Variants in PRKCA observed in about 807,000 individuals in gnomAD.
PRKCA encodes protein kinase C alpha.
PRKCA carries 27 observed loss-of-function variants against 87.0 expected under a neutral mutation model. That is an observed-to-expected ratio of 0.31 (90% CI 0.23 to 0.43). PRKCA has a LOEUF of 0.43. Ranked by LOEUF, PRKCA falls within the 20% of genes least tolerant of loss-of-function variation. The pLI is 1.00. For synonymous variants in PRKCA, 329 were observed against 311.1 expected, an observed-to-expected ratio of 1.06 and a Z score of -0.61; for missense variants, 518 against 852.3, an observed-to-expected ratio of 0.61 and a Z score of 4.88.
At chr17:66,451,621 C>T (rs939931265) in intron 2 of PRKCA, among the ~76,000 whole-genome samples, 2 of 152,060 alleles carry the variant, frequency 1.3e-5, no homozygotes, top group Admixed American at 1.3e-4. Flanking sequence ...GTACTTTGAT[C>T]ATATTTGTAT....
chr17:66,775,627 T>G, intron 14 of PRKCA: 1 of 985,414 alleles, frequency 1.0e-6, no homozygotes, highest in Non-Finnish European at 1.2e-6. Flanking sequence ...GAAGCCTTAG[T>G]CAGAGACAAT....
At chr17:66,342,443 AT>A (rs1907097695) in intron 2 of PRKCA, among the ~76,000 whole-genome samples, 1 of 12,170 alleles carries the variant, frequency 8.2e-5, no homozygotes, top group African/African-American at 7.4e-4. Flanking sequence ...AATAAAATAA[AT>A]AATAATAATA....
intron 14 of PRKCA, among the ~76,000 whole-genome samples, chr17:66,782,072 T>C (rs953001327): frequency 6.6e-6 from 1 of 151,762 alleles, no homozygotes; most frequent in Non-Finnish European, 1.5e-5. Flanking sequence ...CTCTACCATG[T>C]CCAGCTAATT....
intron 2 of PRKCA, among the ~76,000 whole-genome samples, chr17:66,417,721 C>A (rs1912238835): frequency 6.6e-6 from 1 of 152,192 alleles, no homozygotes; most frequent in East Asian, 1.9e-4. Context: ...TGTTTGGCTG[C>A]CTCTCAGGTA....
chr17:66,754,378 C>T (rs1032671028), intron 13 of PRKCA, among the ~76,000 whole-genome samples: 7 of 152,050 alleles, frequency 4.6e-5, no homozygotes, highest in Non-Finnish European at 1.0e-4. Flanking sequence ...GCACCATGTG[C>T]GACAGTAAAG....
intron 2 of PRKCA, among the ~76,000 whole-genome samples, chr17:66,430,895 T>C (rs182577009): frequency 6.6e-6 from 1 of 152,236 alleles, no homozygotes; most frequent in East Asian, 1.9e-4. Context: ...AACCAATCCT[T>C]TACCTTCCAT....
chr17:66,736,598 C>A (rs187675905), intron 10 of PRKCA, among the ~76,000 whole-genome samples: 2 of 152,146 alleles, frequency 1.3e-5, no homozygotes, highest in Non-Finnish European at 2.9e-5. Context: ...CTTTTTAAGA[C>A]CACTGGTTCC....
chr17:66,729,097 T>C (rs938375992), intron 8 of PRKCA, among the ~76,000 whole-genome samples: 1 of 152,184 alleles, frequency 6.6e-6, no homozygotes, highest in African/African-American at 2.4e-5. Context: ...AAATTTGCAC[T>C]TCCTATGTAT....
intron 13 of PRKCA, among the ~76,000 whole-genome samples, chr17:66,756,802 C>G (rs982802008): frequency 1.3e-5 from 2 of 152,094 alleles, no homozygotes; most frequent in Admixed American, 1.3e-4. Context: ...GCTGGGATTA[C>G]AGGCATGAGC....
At chr17:66,303,054 G>T (rs766545948) in intron 1 of PRKCA, 30 bp downstream of exon 1, 52 of 1,583,154 alleles carry the variant, frequency 3.3e-5, no homozygotes, top group Non-Finnish European at 4.4e-5. Flanking sequence ...CTCCTGCCCC[G>T]CTCCTCCCCG....
In PRKCA at chr17:66,719,895, AATT is replaced by A. The variant is rs531057737; in HGVS notation, c.919-12789_919-12787del. Among the ~76,000 whole-genome samples, 28 of 152,376 alleles carry A rather than the reference AATT, an allele frequency of 1.8e-4. No homozygotes were observed. In the South Asian group the frequency reaches 5.0e-3, roughly 27 times the overall value. On this transcript the variant is annotated intron_variant, in intron 8 of 16. Coordinates refer to ENST00000413366, the MANE Select transcript of PRKCA (RefSeq NM_002737.3). ...CAACAAGAGGCAGCCTTGCTGTAGA[AATT>A]ATTTTAAAGCAACATTTCTGCCTCT...
At chr17:66,568,628 TG>T (rs1428593889) in intron 3 of PRKCA, among the ~76,000 whole-genome samples, 2 of 152,120 alleles carry the variant, frequency 1.3e-5, no homozygotes, top group Non-Finnish European at 2.9e-5. Flanking sequence ...ATTTTAAAAA[TG>T]GGGTTTGAGA....
chr17:66,425,880 C>T (rs765656545), intron 2 of PRKCA, among the ~76,000 whole-genome samples: 2 of 152,098 alleles, frequency 1.3e-5, no homozygotes, highest in Admixed American at 6.6e-5. Context: ...GGAAGGAAGC[C>T]GTTGCATGCC....
chr17:66,735,859 T>G (rs969512928), intron 10 of PRKCA, among the ~76,000 whole-genome samples, 197 bp downstream of exon 10: 10 of 151,946 alleles, frequency 6.6e-5, no homozygotes, highest in African/African-American at 1.9e-4. Context: ...TGATGTCCTC[T>G]GCTTGGCATT....
In PRKCA at chr17:66,804,001, C is replaced by G. The variant is rs1335247762; in HGVS notation, c.1983C>G (p.Pro661=). The G allele has an allele frequency of 5.0e-6, 8 of 1,613,698 alleles. No homozygotes were observed. Among genetic ancestry groups the G allele is most frequent in the East Asian group, 2.2e-5 (1 of 44,868 alleles). ...SDFEGFSYVN[P]QFVHPILQSA... ...TTGAAGGGTTCTCGTATGTCAACCC[C>G]CAGTTTGTGCACCCCATCTTACAGA... Residue 661 remains proline, a synonymous_variant, in exon 17 of 17, where the codon CCC becomes CCG. Transcript: ENST00000413366.
chr17:66,327,074 A>G (rs574062501), intron 2 of PRKCA, among the ~76,000 whole-genome samples: 29 of 151,922 alleles, frequency 1.9e-4, no homozygotes, highest in Non-Finnish European at 3.4e-4. Flanking sequence ...GTCTCTTAAT[A>G]ATAATTAAAT....
intron 3 of PRKCA, among the ~76,000 whole-genome samples, chr17:66,515,578 T>G (rs1223775505): frequency 6.6e-6 from 1 of 152,138 alleles, no homozygotes. Context: ...GTCTCACTCC[T>G]TTTGCCCAGG....
At chr17:66,419,999 GTTC>G (rs1438011342) in intron 2 of PRKCA, among the ~76,000 whole-genome samples, 1 of 136,110 alleles carries the variant, frequency 7.3e-6, no homozygotes, top group East Asian at 2.3e-4. Flanking sequence ...TCTGGGTTGT[GTTC>G]TTTTTTTTTT....
rs539501637 is a variant in PRKCA, at chr17:66,417,520, C to T, written c.206-78681C>T. Among the ~76,000 whole-genome samples the T allele has an allele frequency of 2.6e-5, 4 of 152,166 alleles. No homozygotes were observed. In the East Asian group the frequency reaches 5.8e-4, roughly 22 times the overall value. Reference sequence around the variant, plus strand: ...ATTTCTGCTTGTAGAGACTTGCATTCTCTCTCTGGAATTGCTCTAAGCTTA... The same window carrying T: ...ATTTCTGCTTGTAGAGACTTGCATTTTCTCTCTGGAATTGCTCTAAGCTTA... On this transcript the variant is annotated intron_variant, in intron 2 of 16. Coordinates refer to ENST00000413366, the MANE Select transcript of PRKCA (RefSeq NM_002737.3).
Sources: allele counts gnomAD v4.1 joint callset (sites outside exome capture counted in the v4.1 genomes callset), GRCh38; gene constraint gnomAD v4.1.1; transcripts MANE v1.5; gene names NCBI Gene and HGNC (gene_info 2026-07-23, HGNC 2026-07-21).